SLC5A12: variants seen among roughly 807,000 people sequenced by gnomAD.
The protein encoded by SLC5A12 is sodium-coupled monocarboxylate transporter 2.
In SLC5A12, 46 loss-of-function variants were observed where a neutral mutation model predicts 72.7. That is an observed-to-expected ratio of 0.63 (90% CI 0.50 to 0.81). The LOEUF (loss-of-function observed/expected upper bound fraction) is 0.81. Ranked by LOEUF, SLC5A12 falls within the 30% of genes least tolerant of loss-of-function variation. The pLI is 0.00. For synonymous variants in SLC5A12, 275 were observed against 264.4 expected, an observed-to-expected ratio of 1.04 and a Z score of -0.39; for missense variants, 683 against 740.7, an observed-to-expected ratio of 0.92 and a Z score of 0.90.
chr11:26,693,152 T>G (rs766045255), intron 8 of SLC5A12, among the ~76,000 whole-genome samples: 2 of 152,162 alleles, frequency 1.3e-5, no homozygotes, highest in Non-Finnish European at 2.9e-5. Context: ...TGAAGGAAAA[T>G]AGCAAGACGC....
chr11:26,707,345 C>T (rs1855113928), intron 4 of SLC5A12, among the ~76,000 whole-genome samples: 1 of 151,880 alleles, frequency 6.6e-6, no homozygotes. Flanking sequence ...TCTATATATA[C>T]TTATATTTTA....
chr11:26,706,887 A>C (rs1204151658), intron 4 of SLC5A12, among the ~76,000 whole-genome samples: 5 of 150,558 alleles, frequency 3.3e-5, no homozygotes, highest in African/African-American at 1.2e-4. Context: ...ATTATAAAAT[A>C]ATGGTTATCA....
rs1565185616 is a variant in SLC5A12 at position 26,680,318 on chromosome 11, T to TATATATATTCATATATATATGA, written c.1475+736_1475+737insTCATATATATATGAATATATAT. Among the ~76,000 whole-genome samples the TATATATATTCATATATATATGA allele has an allele frequency of 1.3e-3, 144 of 107,048 alleles. 8 individuals carry two copies. The highest frequency in any genetic ancestry group is 5.6e-3 in the African/African-American group (140 of 25,066). The allele number at this position is 107,048 out of a possible 152,430, so 70.2% of individuals were successfully genotyped here. A position where few individuals can be genotyped will look rare whatever the true frequency, so the allele number is the denominator to read the frequency against. On this transcript the variant is annotated intron_variant, in intron 12 of 14. Transcript: ENST00000396005. ...GTATATATATTCATATATATATATG[T>TATATATATTCATATATATATGA]ATATATATTCATATATATATGTATA...
chr11:26,710,014 C>T (rs1855184374), intron 3 of SLC5A12, among the ~76,000 whole-genome samples: 2 of 152,142 alleles, frequency 1.3e-5, no homozygotes, highest in Admixed American at 6.6e-5. Flanking sequence ...TATCCCTCCC[C>T]TAGCCCCCTA....
rs1854707231 is a variant in SLC5A12, at chr11:26,692,560, A to G, written c.1082T>C (p.Phe361Ser). Residue 361 changes from phenylalanine (F) to serine (S), a missense_variant, in exon 9 of 15, where the codon TTT (phenylalanine) becomes TCT (serine). By Grantham distance (155) the Phe-to-Ser change is radical (BLOSUM62 -2). Transcript: ENST00000396005. ...AAAACAGCTCTTGACAAAATCCTCAAAGGTCACTGTTGCCAAGGCATTGAT... is the reference window on the plus strand; with the variant it reads ...AAAACAGCTCTTGACAAAATCCTCAGAGGTCACTGTTGCCAAGGCATTGAT... ...SSINALATVT[F>S]EDFVKSCFPH... 6.2e-7 allele frequency: 1 copy of G among 1,613,970 alleles called. No homozygotes were observed.
At chr11:26,708,125 T>C (rs1855133215) in intron 4 of SLC5A12, among the ~76,000 whole-genome samples, 1 of 152,064 alleles carries the variant, frequency 6.6e-6, no homozygotes. Flanking sequence ...AATTAATATA[T>C]TTTAAATTGT....
chr11:26,700,458 A>G (rs1208155565), intron 6 of SLC5A12, among the ~76,000 whole-genome samples: 2 of 152,126 alleles, frequency 1.3e-5, no homozygotes, highest in Non-Finnish European at 2.9e-5. Context: ...GCAGAAGACA[A>G]CCTCATGGAG....
At chr11:26,713,131 C>G (rs1855271277) in intron 1 of SLC5A12, among the ~76,000 whole-genome samples, 1 of 152,106 alleles carries the variant, frequency 6.6e-6, no homozygotes, top group African/African-American at 2.4e-5. Flanking sequence ...CTCATCCTAT[C>G]AACCACATAT....
At chr11:26,687,180 G>A (rs10767570) in intron 9 of SLC5A12, among the ~76,000 whole-genome samples, 77,211 of 151,968 alleles carry the variant, frequency 0.51, 20,699 homozygotes, top group Non-Finnish European at 0.62. Flanking sequence ...ATCAGCATAT[G>A]TATTTTGTCA....
intron 4 of SLC5A12, among the ~76,000 whole-genome samples, chr11:26,704,876 T>C (rs934826931): frequency 1.3e-5 from 2 of 151,914 alleles, no homozygotes; most frequent in East Asian, 1.9e-4. Context: ...TGGTAGAATA[T>C]CAAACAAAGA....
chr11:26,685,655 G>A (rs897601911), intron 10 of SLC5A12, among the ~76,000 whole-genome samples: 8 of 151,772 alleles, frequency 5.3e-5, no homozygotes, highest in African/African-American at 9.7e-5. Context: ...AAGACACAAC[G>A]GGACTGAGAG....
At chr11:26,711,853 G>T (rs1855237402) in intron 2 of SLC5A12, among the ~76,000 whole-genome samples, 1 of 152,048 alleles carries the variant, frequency 6.6e-6, no homozygotes, top group South Asian at 2.1e-4. Context: ...TCTCCATAAT[G>T]AATATGTCTT....
At chr11:26,674,508 T>A (rs563175995) in intron 13 of SLC5A12, among the ~76,000 whole-genome samples, 2 of 152,258 alleles carry the variant, frequency 1.3e-5, no homozygotes, top group South Asian at 2.1e-4. Flanking sequence ...CAAGTGATTC[T>A]CCTGCCTCAG....
chr11:26,670,457 C>T lies in SLC5A12; in HGVS notation c.*645G>A, dbSNP rs1854112558. 1 of 151,868 alleles carries T rather than the reference C, an allele frequency of 6.6e-6. No individual in the cohort carries two copies. Among genetic ancestry groups the T allele is most frequent in the Admixed American group, 6.6e-5 (1 of 15,200 alleles). The allele number at this position is 151,868 out of a possible 1,614,324, so 9.4% of individuals were successfully genotyped here. On this transcript the variant is annotated 3_prime_UTR_variant, in exon 15 of 15. Transcript: ENST00000396005. ...AATCACTCCCACTAGCCAGACATAC[C>T]ATCTTCTTCTGTATTTAGCTGAATT...
intron 6 of SLC5A12, among the ~76,000 whole-genome samples, chr11:26,699,156 C>T (rs772368732): frequency 5.3e-5 from 8 of 152,102 alleles, no homozygotes; most frequent in Non-Finnish European, 1.0e-4. Context: ...TAGTATCCTA[C>T]GGTTATGTTG....
In SLC5A12 at chr11:26,681,165, C is replaced by T. The variant is rs551978298; in HGVS notation, c.1365G>A (p.Gly455=). The part of the protein sequence containing the change: ...GITLSFWVAI[G]AFIYPAPASK... ...AGGCTGGTGCAGGGTAAATGAAGGC[C>T]CCAATGGCCACCCAAAATGACAAGG... Residue 455 remains glycine, a synonymous_variant, in exon 12 of 15, where the codon GGG becomes GGA. Coordinates refer to ENST00000396005, the MANE Select transcript of SLC5A12 (RefSeq NM_178498.4). 20 of 1,610,978 alleles carry T rather than the reference C, an allele frequency of 1.2e-5. No individual in the cohort carries two copies. The highest frequency in any genetic ancestry group is 1.7e-4 in the Middle Eastern group (1 of 5,782).
intron 6 of SLC5A12, among the ~76,000 whole-genome samples, chr11:26,699,960 A>G (rs1409531462): frequency 2.0e-4 from 31 of 152,238 alleles, no homozygotes; most frequent in Admixed American, 1.7e-3. Context: ...TCTTTACTAC[A>G]TAACTGCATT....
At chr11:26,714,786 G>A (rs531710201) in intron 1 of SLC5A12, among the ~76,000 whole-genome samples, 52 of 152,138 alleles carry the variant, frequency 3.4e-4, no homozygotes, top group South Asian at 8.3e-4. Flanking sequence ...ACATCTCTTG[G>A]CAGAACTGTG....
chr11:26,684,502 A>G (rs1242632165), intron 10 of SLC5A12, among the ~76,000 whole-genome samples: 1 of 152,174 alleles, frequency 6.6e-6, no homozygotes, highest in Non-Finnish European at 1.5e-5. Context: ...ACAATCTCTT[A>G]CAAAAGTCAC....
Sources: gnomAD v4.1 joint callset for allele counts (sites outside exome capture counted in the v4.1 genomes callset) on GRCh38, gnomAD v4.1.1 for gene constraint, MANE v1.5 for transcripts, NCBI Gene and HGNC (gene_info 2026-07-23, HGNC 2026-07-21) for gene names.